The following CIMIP1 variants were observed in gnomAD, a reference collection of about 807,000 sequenced individuals.
The protein encoded by CIMIP1 is ciliary microtubule inner protein 1.
the CIMIP1 span, chr20:58,155,325 C>A: frequency 1.6e-6 from 1 of 625,432 alleles, no homozygotes; most frequent in South Asian, 2.1e-5. Flanking sequence ...ACTTCTGTGT[C>A]TATAAAATGC....
the CIMIP1 span, among the ~76,000 whole-genome samples, chr20:58,152,708 A>AT: frequency 6.9e-6 from 1 of 144,322 alleles, no homozygotes; most frequent in East Asian, 2.1e-4. Flanking sequence ...GGCAAAAAAA[A>AT]GGCGAAACTC....
chr20:58,156,559 T>G, the CIMIP1 span, among the ~76,000 whole-genome samples: 1 of 151,998 alleles, frequency 6.6e-6, no homozygotes, highest in African/African-American at 2.4e-5. Flanking sequence ...GCTGGAGGGT[T>G]GTAAGCAGGG....
the CIMIP1 span, chr20:58,160,991 C>A: frequency 1.6e-6 from 1 of 609,272 alleles, no homozygotes. Context: ...CTCAAGTCAT[C>A]AGCGTCACCC....
chr20:58,159,293 A>G, the CIMIP1 span, among the ~76,000 whole-genome samples: 2 of 142,518 alleles, frequency 1.4e-5, no homozygotes, highest in Non-Finnish European at 3.0e-5. Flanking sequence ...AGGCAGGTGG[A>G]TCAACTGAGG....
chr20:58,158,828 T>C, the CIMIP1 span, among the ~76,000 whole-genome samples: 1 of 152,190 alleles, frequency 6.6e-6, no homozygotes. Context: ...CTGTCACCCA[T>C]TTGTCACGCA....
chr20:58,159,044 T>A, the CIMIP1 span, among the ~76,000 whole-genome samples: 1 of 152,216 alleles, frequency 6.6e-6, no homozygotes, highest in African/African-American at 2.4e-5. Context: ...TATGTCCAAT[T>A]GTTTGCTATT....
At chr20:58,156,399 G>A in the CIMIP1 span, among the ~76,000 whole-genome samples, 1 of 152,066 alleles carries the variant, frequency 6.6e-6, no homozygotes, top group Non-Finnish European at 1.5e-5. Flanking sequence ...AGGCTGCTAT[G>A]TTTCAGGAAC....
the CIMIP1 span, among the ~76,000 whole-genome samples, chr20:58,154,467 G>A: frequency 6.6e-6 from 1 of 152,194 alleles, no homozygotes; most frequent in Admixed American, 6.5e-5. Context: ...GAACACAAGA[G>A]ATGCAGAATT....
chr20:58,160,011 C>T, the CIMIP1 span, among the ~76,000 whole-genome samples: 4 of 152,206 alleles, frequency 2.6e-5, no homozygotes, highest in African/African-American at 7.2e-5. Flanking sequence ...GAACAAATGT[C>T]CCGCACTGTT....
the CIMIP1 span, among the ~76,000 whole-genome samples, chr20:58,159,807 C>T: frequency 6.6e-6 from 1 of 152,148 alleles, no homozygotes; most frequent in East Asian, 1.9e-4. Context: ...GATGACCCGC[C>T]CTACATGTAG....
the CIMIP1 span, chr20:58,155,409 T>C: frequency 7.3e-7 from 1 of 1,370,090 alleles, no homozygotes; most frequent in Non-Finnish European, 1.0e-6. Context: ...GGGATTCTGT[T>C]TCAGTACATT....
At chr20:58,155,622 A>G in the CIMIP1 span, 14 of 1,457,866 alleles carry the variant, frequency 9.6e-6, no homozygotes, top group Non-Finnish European at 1.2e-5. Context: ...TTTCCTAAGT[A>G]AGAAATAAGC....
the CIMIP1 span, chr20:58,160,598 G>T: frequency 6.5e-7 from 1 of 1,539,404 alleles, no homozygotes. Context: ...CTCACATGCC[G>T]ATGCTGGGTG....
At chr20:58,154,673 A>G in the CIMIP1 span, among the ~76,000 whole-genome samples, 2 of 152,232 alleles carry the variant, frequency 1.3e-5, no homozygotes, top group Non-Finnish European at 2.9e-5. Flanking sequence ...AGGAGTCTAT[A>G]TTAATATTCT....
At chr20:58,157,629 C>T in the CIMIP1 span, among the ~76,000 whole-genome samples, 2 of 151,352 alleles carry the variant, frequency 1.3e-5, no homozygotes, top group East Asian at 3.9e-4. Flanking sequence ...GTGGATCTGT[C>T]ATAATTTATT....
the CIMIP1 span, chr20:58,160,893 G>A: frequency 1.6e-5 from 25 of 1,524,558 alleles, no homozygotes; most frequent in African/African-American, 2.2e-4. Flanking sequence ...CCAGGGAAAG[G>A]AAGAGCTCCC....
At chr20:58,156,289 G>A in the CIMIP1 span, among the ~76,000 whole-genome samples, 2 of 152,154 alleles carry the variant, frequency 1.3e-5, no homozygotes, top group African/African-American at 4.8e-5. Flanking sequence ...CAGGGAAGGG[G>A]CCCTTTGAGC....
At chr20:58,151,660 G>A in the CIMIP1 span, among the ~76,000 whole-genome samples, 4 of 151,922 alleles carry the variant, frequency 2.6e-5, no homozygotes, top group African/African-American at 7.3e-5. Flanking sequence ...TGATCCACCC[G>A]CCTCGGCCTC....
At chr20:58,150,978 C>G in the CIMIP1 span, 1 of 1,607,830 alleles carries the variant, frequency 6.2e-7, no homozygotes, top group Non-Finnish European at 8.5e-7. Flanking sequence ...GCGCAGAAAC[C>G]TCTCAGCACC....
Sources: allele counts gnomAD v4.1 joint callset (sites outside exome capture counted in the v4.1 genomes callset), GRCh38; gene constraint gnomAD v4.1.1; transcripts MANE v1.5; gene names NCBI Gene and HGNC (gene_info 2026-07-23, HGNC 2026-07-21).